CNTNAP2: variants seen among roughly 807,000 people sequenced by gnomAD.
CNTNAP2 encodes contactin associated protein 2, also known as contactin-associated protein-like 2.
CNTNAP2 carries 98 observed loss-of-function variants against 155.2 expected under a neutral mutation model. The observed-to-expected ratio is 0.63, with a 90% CI of 0.54 to 0.75. The LOEUF is 0.75. Among genes scored for constraint, CNTNAP2 ranks in the 30% least tolerant of loss-of-function variants. The pLI is 0.00. For missense variants in CNTNAP2, 1,727 were observed against 1,688.1 expected (o/e 1.02, Z -0.40); for synonymous variants, 651 against 631.2 (o/e 1.03, Z -0.47).
intron 16 of CNTNAP2, among the ~76,000 whole-genome samples, chr7:148,118,839 A>C (rs1804534576): frequency 6.6e-6 from 1 of 152,188 alleles, no homozygotes; most frequent in African/African-American, 2.4e-5. Context: ...TCATGTACTT[A>C]GCCAAAGATA....
Position 148,361,619 on chromosome 7 carries a change from G to A in CNTNAP2, c.3476-22030G>A, listed in dbSNP as rs139318986. On this transcript the variant is annotated intron_variant, in intron 21 of 23. Coordinates refer to ENST00000361727, the MANE Select transcript of CNTNAP2 (RefSeq NM_014141.6). Reference sequence around the variant, plus strand: ...CCTTTCTCCCTGTGTGTGTGTCTGCGTCTTCTCTTTTTATAAGGACAACAG... The same window carrying A: ...CCTTTCTCCCTGTGTGTGTGTCTGCATCTTCTCTTTTTATAAGGACAACAG... Among the ~76,000 whole-genome samples, 745 of 152,198 alleles carry A rather than the reference G, an allele frequency of 4.9e-3. 3 individuals are homozygous for A. The highest frequency in any genetic ancestry group is 0.017 in the African/African-American group (704 of 41,504).
intron 8 of CNTNAP2, chr7:147,161,884 G>C (rs1379674951): frequency 6.6e-6 from 1 of 152,052 alleles, no homozygotes; most frequent in Non-Finnish European, 1.5e-5. Flanking sequence ...AATATGCTTT[G>C]ACCTCCTTTC....
chr7:147,282,138 C>T (rs144311307), intron 8 of CNTNAP2, among the ~76,000 whole-genome samples: 14 of 151,978 alleles, frequency 9.2e-5, no homozygotes, highest in South Asian at 2.1e-4. Flanking sequence ...TCAGAGGCTA[C>T]GGCTTTACCT....
intron 20 of CNTNAP2, among the ~76,000 whole-genome samples, chr7:148,264,078 ATTGGG>A (rs201564953): frequency 0.083 from 12,654 of 152,216 alleles, 856 homozygotes; most frequent in African/African-American, 0.18. Context: ...CATGTATTGT[ATTGGG>A]CTGTATTGGG....
intron 13 of CNTNAP2, among the ~76,000 whole-genome samples, chr7:147,678,811 G>T (rs901847855): frequency 6.6e-6 from 1 of 151,866 alleles, no homozygotes; most frequent in Non-Finnish European, 1.5e-5. Context: ...ACTTATAGGT[G>T]GGAGTGGGAA....
chr7:146,989,771 C>T (rs866109559), intron 3 of CNTNAP2, among the ~76,000 whole-genome samples: 1 of 151,970 alleles, frequency 6.6e-6, no homozygotes, highest in East Asian at 1.9e-4. Context: ...ATAATTAGCC[C>T]GTTTAGTAAC....
intron 1 of CNTNAP2, among the ~76,000 whole-genome samples, chr7:146,243,620 T>A (rs1799598091): frequency 6.6e-6 from 1 of 152,194 alleles, no homozygotes; most frequent in Non-Finnish European, 1.5e-5. Flanking sequence ...GTGAAAATCA[T>A]GAATTTTGGA....
At chr7:146,930,145 C>T (rs1339160447) in intron 3 of CNTNAP2, among the ~76,000 whole-genome samples, 4 of 151,998 alleles carry the variant, frequency 2.6e-5, no homozygotes, top group Admixed American at 1.3e-4. Flanking sequence ...TGTCAATTCA[C>T]CAAAGTTGAA....
intron 1 of CNTNAP2, among the ~76,000 whole-genome samples, chr7:146,219,934 T>C (rs1799179291): frequency 6.6e-6 from 1 of 152,108 alleles, no homozygotes; most frequent in African/African-American, 2.4e-5. Context: ...AGAGAACATC[T>C]AGTACAGCCC....
intron 1 of CNTNAP2, among the ~76,000 whole-genome samples, chr7:146,685,740 C>T (rs1405842796): frequency 6.6e-6 from 1 of 151,676 alleles, no homozygotes; most frequent in Non-Finnish European, 1.5e-5. Flanking sequence ...AAAAAAAATG[C>T]TTTTGACATC....
chr7:147,574,693 A>G (rs1474788510), intron 12 of CNTNAP2, among the ~76,000 whole-genome samples: 3 of 152,110 alleles, frequency 2.0e-5, no homozygotes, highest in Non-Finnish European at 2.9e-5. Context: ...ATTTGGGGAA[A>G]GAGGTCTAAC....
In CNTNAP2 at chr7:146,860,197, AG is replaced by A. The variant is rs1795072029; in HGVS notation, c.402+20294del. Among the ~76,000 whole-genome samples the A allele has an allele frequency of 2.6e-5, 4 of 152,228 alleles. No homozygotes were observed. The South Asian group carries it at 6.2e-4, about 24-fold the overall frequency. On this transcript the variant is annotated intron_variant, in intron 3 of 23. Transcript: ENST00000361727. Reference sequence around the variant, plus strand: ...CCATCATGACCCTCATGGAGATTAGAGCTAGATAGAATATAAAGGTGTGATT... The same window carrying A: ...CCATCATGACCCTCATGGAGATTAGACTAGATAGAATATAAAGGTGTGATT...
intron 13 of CNTNAP2, among the ~76,000 whole-genome samples, chr7:147,809,985 C>T (rs923695859): frequency 1.3e-5 from 2 of 152,118 alleles, no homozygotes; most frequent in Non-Finnish European, 2.9e-5. Flanking sequence ...TTTGGGTAGA[C>T]ATTTGTAAAT....
chr7:147,106,771 C>CA (rs1461778889), intron 4 of CNTNAP2, among the ~76,000 whole-genome samples: 3 of 152,076 alleles, frequency 2.0e-5, no homozygotes, highest in African/African-American at 4.8e-5. Flanking sequence ...AAACTCAACA[C>CA]AAAAAAGGAG....
intron 11 of CNTNAP2, among the ~76,000 whole-genome samples, chr7:147,561,087 C>G (rs1353641578): frequency 6.6e-6 from 1 of 151,942 alleles, no homozygotes; most frequent in Non-Finnish European, 1.5e-5. Flanking sequence ...GTGGCAATGA[C>G]CTTGAGACCC....
chr7:146,417,728 G>A (rs186127882), intron 1 of CNTNAP2, among the ~76,000 whole-genome samples: 127 of 152,154 alleles, frequency 8.3e-4, no homozygotes, highest in African/African-American at 3.0e-3. Flanking sequence ...ATAAGATCTG[G>A]AGTTTGAAAG....
intron 3 of CNTNAP2, among the ~76,000 whole-genome samples, chr7:147,009,612 A>G (rs1798588993): frequency 1.3e-5 from 2 of 152,196 alleles, no homozygotes; most frequent in African/African-American, 4.8e-5. Flanking sequence ...ACATATAAAT[A>G]TGGATCATTT....
At chr7:147,477,221 T>C (rs915508089) in intron 10 of CNTNAP2, among the ~76,000 whole-genome samples, 3 of 152,166 alleles carry the variant, frequency 2.0e-5, no homozygotes, top group Non-Finnish European at 4.4e-5. Flanking sequence ...ATTATGAATT[T>C]AAATTTAAAA....
chr7:146,470,895 C>A (rs1796788397), intron 1 of CNTNAP2, among the ~76,000 whole-genome samples: 1 of 151,834 alleles, frequency 6.6e-6, no homozygotes, highest in Non-Finnish European at 1.5e-5. Context: ...TATCTGAATC[C>A]CATGTATCTA....
Sources: allele counts gnomAD v4.1 joint callset (sites outside exome capture counted in the v4.1 genomes callset), GRCh38; gene constraint gnomAD v4.1.1; transcripts MANE v1.5; gene names NCBI Gene and HGNC (gene_info 2026-07-23, HGNC 2026-07-21).